Variants in KCNQ3 observed in about 807,000 individuals in gnomAD.
The protein encoded by KCNQ3 is potassium voltage-gated channel subfamily Q member 3.
In KCNQ3, 30 loss-of-function variants were observed where a neutral mutation model predicts 92.5. The observed-to-expected ratio is 0.32, with a 90% confidence interval of 0.24 to 0.44. The LOEUF (loss-of-function observed/expected upper bound fraction) is 0.44. Ranked by LOEUF, KCNQ3 falls within the 20% of genes least tolerant of loss-of-function variation. The pLI, the probability that KCNQ3 is intolerant of heterozygous loss-of-function variation, is 1.00. For missense variants in KCNQ3, 913 were observed against 1,140.3 expected, an observed-to-expected ratio of 0.80 and a Z score of 2.87; for synonymous variants, 450 against 468.8, an observed-to-expected ratio of 0.96 and a Z score of 0.52.
intron 1 of KCNQ3, among the ~76,000 whole-genome samples, chr8:132,264,314 T>C (rs1815903472): frequency 1.3e-5 from 2 of 152,188 alleles, no homozygotes; most frequent in African/African-American, 4.8e-5. Flanking sequence ...AACTGTTCAC[T>C]ACTGAGCTGT....
chr8:132,227,573 CAGTT>C, intron 1 of KCNQ3, among the ~76,000 whole-genome samples: 1 of 152,212 alleles, frequency 6.6e-6, no homozygotes, highest in African/African-American at 2.4e-5. Flanking sequence ...TTAAGCCACT[CAGTT>C]TGTGTTATTT....
intron 1 of KCNQ3, among the ~76,000 whole-genome samples, chr8:132,329,230 T>C (rs886367510): frequency 2.6e-5 from 4 of 152,172 alleles, no homozygotes; most frequent in Non-Finnish European, 4.4e-5. Context: ...CTCCATGTAA[T>C]TGAGAAAATG....
In KCNQ3 at chr8:132,457,549, G is replaced by C. The variant is rs114529640; in HGVS notation, c.386+22598C>G. On this transcript the variant is annotated intron_variant, in intron 1 of 14. Coordinates refer to ENST00000388996, the MANE Select transcript of KCNQ3 (RefSeq NM_004519.4). Reference sequence around the variant, plus strand: ...TTCTCAACACCAAGCCTTTGTCAGTGACTCCCTTCTGCCTTCACCCCTAAC... The same window carrying C: ...TTCTCAACACCAAGCCTTTGTCAGTCACTCCCTTCTGCCTTCACCCCTAAC... Among the ~76,000 whole-genome samples the C allele has an allele frequency of 6.2e-3, 939 of 152,194 alleles. 6 individuals are homozygous for C. Among genetic ancestry groups the C allele is most frequent in the African/African-American group, 0.02 (844 of 41,518 alleles).
chr8:132,335,450 C>G (rs761824652), intron 1 of KCNQ3, among the ~76,000 whole-genome samples: 4 of 152,170 alleles, frequency 2.6e-5, no homozygotes, highest in Non-Finnish European at 4.4e-5. Flanking sequence ...ATCCCCCTCA[C>G]TTTGTAATAA....
chr8:132,170,616 C>A (rs1476581760), intron 7 of KCNQ3, among the ~76,000 whole-genome samples, 188 bp from the exon 8 acceptor site: 1 of 152,074 alleles, frequency 6.6e-6, no homozygotes, highest in Admixed American at 6.5e-5. Flanking sequence ...ACTTCCTTGA[C>A]CATCTTGGAG....
rs72721077 is a variant in KCNQ3 at position 132,447,302 on chromosome 8, A to G, written c.386+32845T>C. 0.085 allele frequency: 126,166 copies of G among 1,482,540 alleles called. 5,670 individuals carry two copies. The highest frequency in any genetic ancestry group is 0.12 in the Middle Eastern group (704 of 5,904). 91.8% of individuals were successfully genotyped at this position (1,482,540 alleles called of 1,614,324 possible). On this transcript the variant is annotated intron_variant, in intron 1 of 14. Coordinates refer to ENST00000388996, the MANE Select transcript of KCNQ3 (RefSeq NM_004519.4). ...TAGAAATAACCCTAAAGCAGGGCAG[A>G]ATGGGCAGACAAGGGTCAAGATAAA... is the stretch of plus-strand genomic sequence containing the variant.
intron 1 of KCNQ3, among the ~76,000 whole-genome samples, chr8:132,414,283 CAG>C (rs1422517685): frequency 2.0e-5 from 3 of 152,168 alleles, no homozygotes; most frequent in African/African-American, 7.2e-5. Flanking sequence ...TGCAGAAGGG[CAG>C]AGAGTCAGGA....
chr8:132,454,412 T>C (rs1821893026), intron 1 of KCNQ3, among the ~76,000 whole-genome samples: 1 of 152,226 alleles, frequency 6.6e-6, no homozygotes, highest in Admixed American at 6.5e-5. Context: ...CTACAAGGTG[T>C]GCTCTGTGTC....
chr8:132,347,977 T>TAAAAAAA (rs5895138), intron 1 of KCNQ3, among the ~76,000 whole-genome samples: 33 of 78,102 alleles, frequency 4.2e-4, no homozygotes, highest in African/African-American at 1.5e-3. Context: ...AGACTCCATC[T>TAAAAAAA]AAAAAAAAAA....
At chr8:132,146,159 G>T (rs1215596019) in intron 9 of KCNQ3, among the ~76,000 whole-genome samples, 2 of 152,254 alleles carry the variant, frequency 1.3e-5, no homozygotes, top group Non-Finnish European at 2.9e-5. Flanking sequence ...GAAAGTATTT[G>T]AAGTTTGCAT....
At chr8:132,212,293 C>T (rs1813886535) in intron 1 of KCNQ3, among the ~76,000 whole-genome samples, 1 of 152,054 alleles carries the variant, frequency 6.6e-6, no homozygotes, top group Admixed American at 6.5e-5. Flanking sequence ...GCTTCAGCAC[C>T]AAAAACCTCT....
At chr8:132,359,605 C>T (rs1819111068) in intron 1 of KCNQ3, among the ~76,000 whole-genome samples, 1 of 152,246 alleles carries the variant, frequency 6.6e-6, no homozygotes, top group South Asian at 2.1e-4. Context: ...GAAAGAGAGT[C>T]CTTGGGGCAA....
At position 132,129,609 on chromosome 8, in the gene KCNQ3, C is replaced by A; in HGVS notation, c.2272G>T (p.Val758Leu). The A allele has an allele frequency of 6.2e-7, 1 of 1,614,146 alleles. No individual in the cohort carries two copies. The highest frequency in any genetic ancestry group is 8.5e-7 in the Non-Finnish European group (1 of 1,180,032). ...AGGTCAGCCTGGGAGTGGCAGCTCA[C>A]TCGGGAGTCGAGAAGAGTCAAGATA... Reference protein sequence around the residue: ...LPILTLLDSRVSCHSQADLQG... With the variant: ...LPILTLLDSRLSCHSQADLQG... Residue 758 changes from valine to leucine, a missense_variant, in exon 15 of 15, where the codon GTG becomes TTG. Physicochemically the swap from Val to Leu is conservative, Grantham distance 32 (BLOSUM62 1). Around this residue, in one of 6 missense-constraint regions of KCNQ3, gnomAD observed 375 missense variants for 376.4 expected, o/e 1.00. Coordinates refer to ENST00000388996, the MANE Select transcript of KCNQ3 (RefSeq NM_004519.4). This position sits in a 1 kb window ranked among gnomAD's most constrained non-coding sequence, Gnocchi z 5.9.
chr8:132,186,205 C>T lies in KCNQ3; in HGVS notation c.387-24G>A, dbSNP rs769615046. The T allele has an allele frequency of 1.9e-6, 3 of 1,556,876 alleles. No individual in the cohort carries two copies. The South Asian group carries it at 3.3e-5, about 17-fold the overall frequency. On this transcript the variant is annotated intron_variant, in intron 1 of 14. Coordinates refer to ENST00000388996, the MANE Select transcript of KCNQ3 (RefSeq NM_004519.4). The stretch of plus-strand genomic sequence containing the variant: ...ACCTAGAGGGGAAGAAAGAAATGGA[C>T]TAAGGAACCTTTGAGTCATGGCTTG...
intron 1 of KCNQ3, among the ~76,000 whole-genome samples, chr8:132,348,718 T>C (rs1294678625): frequency 1.3e-5 from 2 of 152,236 alleles, no homozygotes; most frequent in Non-Finnish European, 2.9e-5. Flanking sequence ...CAGGCAGTCC[T>C]GCTTCAAAAG....
At chr8:132,476,241 G>A (rs1201638897) in intron 1 of KCNQ3, among the ~76,000 whole-genome samples, 1 of 152,240 alleles carries the variant, frequency 6.6e-6, no homozygotes, top group Non-Finnish European at 1.5e-5. Flanking sequence ...TGTGAGGGCA[G>A]TGCAAGAGGA....
chr8:132,273,921 C>T (rs187448336), intron 1 of KCNQ3, among the ~76,000 whole-genome samples: 230 of 152,296 alleles, frequency 1.5e-3, no homozygotes, highest in African/African-American at 5.2e-3. Context: ...ATTTCATTGT[C>T]CATATCATTT....
At chr8:132,299,093 CT>C (rs1051948281) in intron 1 of KCNQ3, among the ~76,000 whole-genome samples, 39 of 138,098 alleles carry the variant, frequency 2.8e-4, no homozygotes, top group African/African-American at 8.0e-4. Flanking sequence ...TTTTTAGTTT[CT>C]TTTTTTTTTC....
chr8:132,237,115 A>C (rs1814841860), intron 1 of KCNQ3, among the ~76,000 whole-genome samples: 1 of 152,344 alleles, frequency 6.6e-6, no homozygotes, highest in East Asian at 1.9e-4. Flanking sequence ...CCTATAGAGC[A>C]TGAGCTAACA....
Sources: allele counts gnomAD v4.1 joint callset (sites outside exome capture counted in the v4.1 genomes callset), GRCh38; gene constraint gnomAD v4.1.1; regional missense constraint gnomAD v4.1.1; non-coding constraint Gnocchi (gnomAD v3.1); transcripts MANE v1.5; gene names NCBI Gene and HGNC (gene_info 2026-07-23, HGNC 2026-07-21).